Variants in RSF1 observed in about 807,000 individuals in gnomAD.
RSF1 encodes the protein remodeling and spacing factor 1.
In RSF1, 13 loss-of-function variants were observed where a neutral mutation model predicts 145.2. The ratio of observed to expected loss-of-function variants is 0.09; its 90% CI spans 0.06 to 0.14. The LOEUF (loss-of-function observed/expected upper bound fraction) is 0.14. Among genes scored for constraint, RSF1 ranks in the 10% least tolerant of loss-of-function variants. The probability of loss-of-function intolerance (pLI) is 1.00; values close to 1 mark genes in which losing one functional copy is unlikely to be tolerated. For synonymous variants in RSF1, 577 were observed against 592.6 expected, an observed-to-expected ratio of 0.97 and a Z score of 0.38; for missense variants, 1,517 against 1,718.2, an observed-to-expected ratio of 0.88 and a Z score of 2.07.
chr11:77,667,570 AC>A, intron 15 of RSF1, 79 bp from the exon 16 acceptor site: 1 of 1,275,260 alleles, frequency 7.8e-7, no homozygotes, highest in South Asian at 1.4e-5. Flanking sequence ...CCCGATATTC[AC>A]CCCACGTCCT....
At position 77,701,381 on chromosome 11, in the gene RSF1, C is replaced by A; in HGVS notation, c.1848G>T (p.Glu616Asp). 4.3e-6 allele frequency: 7 copies of A among 1,613,946 alleles called. No homozygotes were observed. The highest frequency in any genetic ancestry group is 1.3e-5 in the African/African-American group (1 of 75,006). ...IPEEVPKSTLESEKPGSPEAA... is the reference protein window; with the variant it reads ...IPEEVPKSTLDSEKPGSPEAA... ...CCTCAGGAGAGCCAGGCTTTTCTGA[C>A]TCTAGAGTACTCTTTGGAACTTCTT... The change falls in exon 6 of 16, where the codon GAG (glutamate) becomes GAT (aspartate). Residue 616 changes from glutamate (E) to aspartate (D), a missense_variant. Around this residue, in one of 12 missense-constraint regions of RSF1, gnomAD observed 579 missense variants for 553.5 expected, o/e 1.05. Transcript: ENST00000308488.
intron 2 of RSF1, among the ~76,000 whole-genome samples, chr11:77,752,266 G>C (rs2135924790): frequency 6.6e-6 from 1 of 152,288 alleles, no homozygotes; most frequent in African/African-American, 2.4e-5. Context: ...ATAGAAAAGG[G>C]CTACCTGGGG....
intron 2 of RSF1, chr11:77,762,033 T>TCTTTTTTC (rs543266605): frequency 4.2e-5 from 5 of 119,450 alleles, no homozygotes; most frequent in Admixed American, 9.0e-5. Context: ...TTTTCTTTTT[T>TCTTTTTTC]TTTTTTTTTT....
intron 4 of RSF1, among the ~76,000 whole-genome samples, chr11:77,734,163 T>C (rs1313295731): frequency 1.3e-5 from 2 of 152,198 alleles, no homozygotes; most frequent in Admixed American, 6.5e-5. Flanking sequence ...CAATTTCATA[T>C]GGTTTAATGA....
In RSF1 at chr11:77,667,393, C is replaced by G; in HGVS notation, c.3850G>C (p.Ala1284Pro). 1 of 1,614,068 alleles carries G rather than the reference C, an allele frequency of 6.2e-7. No individual in the cohort carries two copies. Among genetic ancestry groups the G allele is most frequent in the Non-Finnish European group, 8.5e-7 (1 of 1,180,032 alleles). Residue 1284 changes from alanine to proline, a missense_variant, in exon 16 of 16, where the codon GCA becomes CCA. Ala to Pro is a conservative substitution (Grantham distance 27, BLOSUM62 -1). Transcript: ENST00000308488. ...RGRSTDEYSE[A>P]DEEEEEEEGK... The stretch of plus-strand genomic sequence containing the variant: ...TCCTCTTCCTCCTCCTCCTCATCTG[C>G]TTCTGAATACTCGTCTGTGCTTCGG...
At chr11:77,869,152 G>A in the RSF1 span, 1 of 246,264 alleles carries the variant, frequency 4.1e-6, no homozygotes, top group South Asian at 6.8e-5. Flanking sequence ...AGGCCTAGAG[G>A]ACATATATTG....
chr11:77,673,530 C>T (rs1211945807), intron 14 of RSF1, among the ~76,000 whole-genome samples: 1 of 152,150 alleles, frequency 6.6e-6, no homozygotes, highest in East Asian at 1.9e-4. Context: ...ATCCACTGAT[C>T]AGAATAAGAA....
rs74902665 is a variant in RSF1, at chr11:77,664,606, C to A, written c.*2311G>T. On this transcript the variant is annotated 3_prime_UTR_variant, in exon 16 of 16. Transcript: ENST00000308488. ...TGTGTCCAGAGGTAGAGACAGGGCACATGGGAGAGTTTCCACACAATAGTG... is the reference window on the plus strand; with the variant it reads ...TGTGTCCAGAGGTAGAGACAGGGCAAATGGGAGAGTTTCCACACAATAGTG... 381 of 152,274 alleles carry A rather than the reference C, an allele frequency of 2.5e-3. 3 individuals carry two copies. Among genetic ancestry groups the A allele is most frequent in the African/African-American group, 8.8e-3 (367 of 41,552 alleles). The allele number at this position is 152,274 out of a possible 1,614,324, so 9.4% of individuals were successfully genotyped here.
chr11:77,730,389 A>G (rs1003343791), intron 4 of RSF1, among the ~76,000 whole-genome samples: 6 of 152,232 alleles, frequency 3.9e-5, no homozygotes, highest in African/African-American at 1.4e-4. Flanking sequence ...TTAACGAGGT[A>G]TAATTCACAT....
chr11:77,743,568 A>G lies in RSF1; in HGVS notation c.373-2632T>C, dbSNP rs150888791. Among the ~76,000 whole-genome samples the G allele has an allele frequency of 2.7e-3, 408 of 152,246 alleles. 4 individuals are homozygous for G. Among genetic ancestry groups the G allele is most frequent in the African/African-American group, 9.4e-3 (391 of 41,542 alleles). On this transcript the variant is annotated intron_variant, in intron 3 of 15. Transcript: ENST00000308488. ...CTTCTAATTTTTGTATATTGATTTT[A>G]TATCTCGCAATTTTACTGAATTCAT...
intron 1 of RSF1, among the ~76,000 whole-genome samples, chr11:77,790,010 A>G (rs1419129499): frequency 6.6e-6 from 1 of 152,196 alleles, no homozygotes; most frequent in East Asian, 1.9e-4. Flanking sequence ...CACACTGCTC[A>G]GGACTAAGAA....
At chr11:77,730,048 A>G (rs1356706294) in intron 4 of RSF1, among the ~76,000 whole-genome samples, 1 of 152,116 alleles carries the variant, frequency 6.6e-6, no homozygotes, top group Non-Finnish European at 1.5e-5. Context: ...CAAGAGTTTT[A>G]TATTAATTAG....
chr11:77,825,292 T>A (rs567516321), upstream of RSF1, among the ~76,000 whole-genome samples: 204 of 152,168 alleles, frequency 1.3e-3, no homozygotes, highest in South Asian at 8.3e-3. Flanking sequence ...GCTTTTTTTT[T>A]AATGGATATT....
intron 1 of RSF1, among the ~76,000 whole-genome samples, chr11:77,798,281 G>A (rs1362628871): frequency 6.6e-6 from 1 of 152,046 alleles, no homozygotes; most frequent in Non-Finnish European, 1.5e-5. Context: ...TGATAGGCTG[G>A]ATAAAGAAAA....
chr11:77,709,224 T>TCTAACC (rs1346025923), intron 5 of RSF1, among the ~76,000 whole-genome samples: 1 of 152,208 alleles, frequency 6.6e-6, no homozygotes, highest in Non-Finnish European at 1.5e-5. Context: ...AGCAACTCAA[T>TCTAACC]CTAAAATCAT....
chr11:77,712,133 C>T (rs971875837), intron 5 of RSF1, among the ~76,000 whole-genome samples: 2 of 152,230 alleles, frequency 1.3e-5, no homozygotes, highest in African/African-American at 4.8e-5. Flanking sequence ...ACCCAAATCT[C>T]ACCTTGAATT....
intron 5 of RSF1, among the ~76,000 whole-genome samples, chr11:77,722,879 GT>G (rs759020323): frequency 6.6e-6 from 1 of 152,110 alleles, no homozygotes; most frequent in Non-Finnish European, 1.5e-5. Flanking sequence ...AGTTTGTTCT[GT>G]TTTTCTTTCT....
intron 1 of RSF1, among the ~76,000 whole-genome samples, chr11:77,791,644 C>T (rs1948518492): frequency 6.6e-6 from 1 of 152,042 alleles, no homozygotes; most frequent in African/African-American, 2.4e-5. Flanking sequence ...CGCCAGATAC[C>T]CTAAATCATT....
intron 1 of RSF1, among the ~76,000 whole-genome samples, chr11:77,768,579 C>T (rs1183080570): frequency 6.6e-6 from 1 of 152,202 alleles, no homozygotes; most frequent in African/African-American, 2.4e-5. Flanking sequence ...AAACTAGCTA[C>T]ATTTCAAGTG....
Sources: gnomAD v4.1 joint callset for allele counts (sites outside exome capture counted in the v4.1 genomes callset) on GRCh38, gnomAD v4.1.1 for gene constraint, gnomAD v4.1.1 regional missense constraint, MANE v1.5 for transcripts, NCBI Gene and HGNC (gene_info 2026-07-23, HGNC 2026-07-21) for gene names.